Variants in ARHGAP8 observed in about 807,000 individuals in gnomAD.
The protein encoded by ARHGAP8 is rho GTPase-activating protein 8.
Under a neutral mutation model 46.1 loss-of-function variants are expected in ARHGAP8, and 62 were observed. The ratio of observed to expected loss-of-function variants is 1.34; its 90% CI spans 1.10 to 1.66. The LOEUF is 1.66. Ranked by LOEUF, ARHGAP8 falls within the 40% of genes most tolerant of loss-of-function variation. ARHGAP8 has a pLI of 0.00. For synonymous variants in ARHGAP8, 375 were observed against 243.1 expected, an observed-to-expected ratio of 1.54 and a Z score of -5.05; for missense variants, 923 against 568.4, an observed-to-expected ratio of 1.62 and a Z score of -6.34.
At chr22:44,758,010 T>A (rs1431023423) in intron 1 of ARHGAP8, among the ~76,000 whole-genome samples, 1 of 152,054 alleles carries the variant, frequency 6.6e-6, no homozygotes, top group Admixed American at 6.6e-5. Flanking sequence ...CAGAGGGGGA[T>A]CCCTGGATGG....
At chr22:44,862,231 C>T in intron 11 of ARHGAP8, 44 bp from the exon 12 acceptor site, 1 of 1,548,228 alleles carries the variant, frequency 6.5e-7, no homozygotes, top group Non-Finnish European at 8.8e-7. Context: ...GTGCCCGTGC[C>T]CCTTGGTGTT....
intron 7 of ARHGAP8, 84 bp downstream of exon 7, chr22:44,825,677 C>G: frequency 6.8e-7 from 1 of 1,463,234 alleles, no homozygotes; most frequent in Non-Finnish European, 9.2e-7. Flanking sequence ...AATATTTTCC[C>G]CAGACGTTTG....
At chr22:44,755,123 C>T (rs757507710) in intron 1 of ARHGAP8, among the ~76,000 whole-genome samples, 1 of 152,246 alleles carries the variant, frequency 6.6e-6, no homozygotes, top group Non-Finnish European at 1.5e-5. Flanking sequence ...GAGGCACGGA[C>T]TGTTACTGCC....
At chr22:44,815,047 T>C (rs1929639018) in intron 5 of ARHGAP8, among the ~76,000 whole-genome samples, 1 of 152,160 alleles carries the variant, frequency 6.6e-6, no homozygotes, top group African/African-American at 2.4e-5. Flanking sequence ...GTGCCGTGAT[T>C]TTCCAGAGGG....
intron 7 of ARHGAP8, among the ~76,000 whole-genome samples, chr22:44,829,716 T>C (rs1443954355): frequency 6.6e-6 from 1 of 150,724 alleles, no homozygotes; most frequent in East Asian, 2.3e-4. Context: ...GTAATTTGTT[T>C]GGACTATGAA....
rs2070536757 is a variant in ARHGAP8, at chr22:44,862,371, C to CTGAG, written c.1081_1084dup (p.Ala362GlufsTer11). The CTGAG allele has an allele frequency of 6.2e-7, 1 of 1,614,024 alleles. No homozygotes were observed. The highest frequency in any genetic ancestry group is 1.3e-5 in the African/African-American group (1 of 74,924). On this transcript the variant is annotated frameshift_variant, in exon 12 of 12. Coordinates refer to ENST00000356099, the MANE Select transcript of ARHGAP8 (RefSeq NM_181335.3). LOFTEE classifies it low-confidence loss of function (END_TRUNC). ...CTGGCCATCCCAGGGGGTCTCCTCC[C>CTGAG]TGAGTGCCCTTGTGCCCCTGAACAT...
rs774325410 is a variant in ARHGAP8, at chr22:44,814,653, C to T, written c.300-19C>T. 2 of 1,609,618 alleles carry T rather than the reference C, an allele frequency of 1.2e-6. No individual in the cohort carries two copies. Among genetic ancestry groups the T allele is most frequent in the Non-Finnish European group, 8.5e-7 (1 of 1,177,998 alleles). On this transcript the variant is annotated intron_variant, in intron 4 of 11. Transcript: ENST00000356099. Reference sequence around the variant, plus strand: ...TCGGAGCGCGGCAGCCTGAAGTCATCCCCCGTTTCCCTCCTCAGGTACAAG... The same window carrying T: ...TCGGAGCGCGGCAGCCTGAAGTCATTCCCCGTTTCCCTCCTCAGGTACAAG...
chr22:44,839,274 C>T (rs973344474), intron 7 of ARHGAP8, among the ~76,000 whole-genome samples: 2 of 152,190 alleles, frequency 1.3e-5, no homozygotes, highest in Non-Finnish European at 2.9e-5. Context: ...AAGGTCACGC[C>T]AGCCCTCAGG....
chr22:44,792,278 G>A lies in ARHGAP8; in HGVS notation c.79+5672G>A, dbSNP rs556589806. Among the ~76,000 whole-genome samples, 9 of 152,206 alleles carry A rather than the reference G, an allele frequency of 5.9e-5. No individual in the cohort carries two copies. The East Asian group carries it at 1.7e-3, about 29-fold the overall frequency. On this transcript the variant is annotated intron_variant, in intron 2 of 11. Transcript: ENST00000356099. Reference sequence around the variant, plus strand: ...ACCTGCCTCGGCCTCCCAAAGTGCTGGGATTACAGGCGTGAGCCACTGCAC... The same window carrying A: ...ACCTGCCTCGGCCTCCCAAAGTGCTAGGATTACAGGCGTGAGCCACTGCAC...
intron 1 of ARHGAP8, among the ~76,000 whole-genome samples, chr22:44,772,736 G>T (rs1008087168): frequency 6.6e-6 from 1 of 151,260 alleles, no homozygotes; most frequent in African/African-American, 2.4e-5. Context: ...GGCAGAGTTA[G>T]TGGAGAATTG....
At chr22:44,785,146 A>G (rs988598245) in intron 1 of ARHGAP8, among the ~76,000 whole-genome samples, 2 of 152,110 alleles carry the variant, frequency 1.3e-5, no homozygotes, top group African/African-American at 4.8e-5. Context: ...GGATGAGTGA[A>G]TCTCAAACCT....
At chr22:44,796,323 T>G (rs561175655) in intron 2 of ARHGAP8, among the ~76,000 whole-genome samples, 1 of 152,194 alleles carries the variant, frequency 6.6e-6, no homozygotes, top group Non-Finnish European at 1.5e-5. Context: ...CCCCACAGTT[T>G]GCTCCTCGGG....
At chr22:44,809,073 A>C (rs368664075) in intron 4 of ARHGAP8, 1 of 466,416 alleles carries the variant, frequency 2.1e-6, no homozygotes. Flanking sequence ...CTCCCACCTC[A>C]GCCTCCCAAA....
chr22:44,815,536 T>C (rs1929676165), intron 5 of ARHGAP8, among the ~76,000 whole-genome samples: 1 of 152,082 alleles, frequency 6.6e-6, no homozygotes, highest in African/African-American at 2.4e-5. Flanking sequence ...AGGTCACCCA[T>C]GGCCAGCCTT....
chr22:44,782,879 C>T (rs1434114049), intron 1 of ARHGAP8, among the ~76,000 whole-genome samples: 2 of 152,164 alleles, frequency 1.3e-5, no homozygotes, highest in Non-Finnish European at 2.9e-5. Flanking sequence ...GTTTGGCTTT[C>T]TGGGGAGCTG....
At chr22:44,786,221 G>A in intron 1 of ARHGAP8, 1 of 609,588 alleles carries the variant, frequency 1.6e-6, no homozygotes, top group Admixed American at 3.0e-5. Context: ...GACTGATGTA[G>A]AGTGTATAAT....
At chr22:44,803,679 G>GTGCGCACACCCCCTCCCA (rs1928725784) in intron 3 of ARHGAP8, among the ~76,000 whole-genome samples, 4 of 27,886 alleles carry the variant, frequency 1.4e-4, no homozygotes, top group Admixed American at 4.6e-4. Flanking sequence ...ACCCCCTCCC[G>GTGCGCACACCCCCTCCCA]TGCACACACC....
chr22:44,825,507 G>A lies in ARHGAP8; in HGVS notation c.510G>A (p.Leu170=). 6.2e-7 allele frequency: 1 copy of A among 1,613,516 alleles called. No homozygotes were observed. The highest frequency in any genetic ancestry group is 8.5e-7 in the Non-Finnish European group (1 of 1,179,864). The change falls in exon 7 of 12, where the codon CTG becomes CTA. Residue 170 remains leucine (L), a synonymous_variant. Transcript: ENST00000356099. The part of the protein sequence containing the change: ...VLRYDEKLQS[L]HEGRTPPPTK... ...GGTACGATGAGAAGCTCCAGAGCCT[G>A]CACGAGGGCCGGACGCCGCCTCCCA...
intron 5 of ARHGAP8, among the ~76,000 whole-genome samples, chr22:44,815,010 G>A (rs1929634705): frequency 6.6e-6 from 1 of 152,160 alleles, no homozygotes; most frequent in South Asian, 2.1e-4. Context: ...CTTTGCCTGA[G>A]CCCCCACACT....
Sources: allele counts gnomAD v4.1 joint callset (sites outside exome capture counted in the v4.1 genomes callset), GRCh38; gene constraint gnomAD v4.1.1; transcripts MANE v1.5; gene names NCBI Gene and HGNC (gene_info 2026-07-23, HGNC 2026-07-21).